The following SNRK variants were observed in gnomAD, a reference collection of about 807,000 sequenced individuals.
SNRK encodes SNF-related serine/threonine-protein kinase.
SNRK carries 3 observed loss-of-function variants against 48.2 expected under a neutral mutation model. The observed-to-expected ratio is 0.06, with a 90% CI of 0.03 to 0.16. The LOEUF is 0.16. Ranked by LOEUF, SNRK falls within the 10% of genes least tolerant of loss-of-function variation. SNRK has a pLI of 1.00. For missense variants in SNRK, 627 were observed against 976.0 expected (o/e 0.64, Z 4.76); for synonymous variants, 376 against 366.1 (o/e 1.03, Z -0.31).
chr3:43,338,143 T>C (rs1319997367), intron 4 of SNRK, among the ~76,000 whole-genome samples: 1 of 152,346 alleles, frequency 6.6e-6, no homozygotes, highest in Non-Finnish European at 1.5e-5. Context: ...AAAGTAGATA[T>C]GATTATCATT....
intron 5 of SNRK, 146 bp from the exon 6 acceptor site, chr3:43,343,198 G>GT (rs2091250595): frequency 1.0e-5 from 11 of 1,102,246 alleles, no homozygotes; most frequent in Non-Finnish European, 1.4e-5. Context: ...TACTAGTTTG[G>GT]TTTTTTTCTG....
chr3:43,305,426 T>C (rs2090929973), intron 3 of SNRK, among the ~76,000 whole-genome samples: 1 of 152,166 alleles, frequency 6.6e-6, no homozygotes, highest in African/African-American at 2.4e-5. Flanking sequence ...ACAAGCATAC[T>C]TTTTAAGAGA....
chr3:43,331,854 G>A (rs974604159), intron 3 of SNRK, among the ~76,000 whole-genome samples: 1 of 152,168 alleles, frequency 6.6e-6, no homozygotes, highest in Non-Finnish European at 1.5e-5. Context: ...GGGAAAAATA[G>A]CAGTGTGTTG....
chr3:43,296,434 G>GTATATATA (rs1429296694), intron 1 of SNRK, among the ~76,000 whole-genome samples: 1 of 29,082 alleles, frequency 3.4e-5, no homozygotes, highest in Non-Finnish European at 8.3e-5. Flanking sequence ...ATATATATAT[G>GTATATATA]TATATATATA....
intron 5 of SNRK, 128 bp from the exon 6 acceptor site, chr3:43,343,216 T>C: frequency 7.8e-7 from 1 of 1,280,922 alleles, no homozygotes; most frequent in Non-Finnish European, 1.0e-6. Flanking sequence ...CTGGTTTGCA[T>C]TTTTTGCATA....
chr3:43,296,593 C>G (rs1181159474), intron 1 of SNRK, among the ~76,000 whole-genome samples: 1 of 152,020 alleles, frequency 6.6e-6, no homozygotes, highest in Middle Eastern at 3.2e-3. Flanking sequence ...CCTCTACTTT[C>G]TCATGCCATG....
chr3:43,347,256 C>A lies in SNRK; in HGVS notation c.1080-83C>A. ...TTCTTTAAGTCTGTAGATTTTGTCC[C>A]AGTAAGTTCATTGTGATGTACTTTA... On this transcript the variant is annotated intron_variant, in intron 6 of 6. Transcript: ENST00000296088. This position sits in a 1 kb window ranked among gnomAD's most constrained non-coding sequence, Gnocchi z 5.4. 1 of 1,365,364 alleles carries A rather than the reference C, an allele frequency of 7.3e-7. No homozygotes were observed. Among genetic ancestry groups the A allele is most frequent in the Non-Finnish European group, 9.8e-7 (1 of 1,021,182 alleles). 84.6% of individuals were successfully genotyped at this position (1,365,364 alleles called of 1,614,324 possible).
chr3:43,347,335 A>G lies in SNRK; in HGVS notation c.1080-4A>G, dbSNP rs1189880948. The G allele has an allele frequency of 1.4e-5, 21 of 1,553,428 alleles. No individual in the cohort carries two copies. The highest frequency in any genetic ancestry group is 1.8e-5 in the Non-Finnish European group (21 of 1,150,548). The stretch of plus-strand genomic sequence containing the variant: ...TTTTTCCCCCCAATCTATCTGTTAC[A>G]TAGGCAGTCATGGCCAACCAAAATT... On this transcript the variant is annotated splice_region_variant and splice_polypyrimidine_tract_variant and intron_variant, in intron 6 of 6. Coordinates refer to ENST00000296088, the MANE Select transcript of SNRK (RefSeq NM_017719.5). The surrounding 1 kb of genome is among the most constrained non-coding windows in gnomAD (Gnocchi z 5.4).
intron 1 of SNRK, among the ~76,000 whole-genome samples, chr3:43,287,170 CTTTACAAT>C (rs1372148119): frequency 2.6e-5 from 4 of 151,940 alleles, no homozygotes; most frequent in African/African-American, 9.7e-5. Context: ...GGTCAAACTG[CTTTACAAT>C]AGAGTGGGGA....
At chr3:43,302,235 A>C (rs1489478696) in intron 2 of SNRK, among the ~76,000 whole-genome samples, 1 of 152,304 alleles carries the variant, frequency 6.6e-6, no homozygotes, top group Middle Eastern at 3.4e-3. Flanking sequence ...CATTTATATA[A>C]ATTCAATTAT....
At chr3:43,296,418 A>ATATATATATATATATATATATG (rs1164211741) in intron 1 of SNRK, among the ~76,000 whole-genome samples, 1 of 130,322 alleles carries the variant, frequency 7.7e-6, no homozygotes, top group South Asian at 2.2e-4. Flanking sequence ...ATACTGGCAT[A>ATATATATATATATATATATATG]TATATATATA....
chr3:43,343,574 A>G lies in SNRK; in HGVS notation c.1079+96A>G. On this transcript the variant is annotated intron_variant, in intron 6 of 6. Transcript: ENST00000296088. Reference sequence around the variant, plus strand: ...TAATGCTTCCTAACTCTTTGGGGCAAGAGAGTACAAACAGTGATGACGGCC... The same window carrying G: ...TAATGCTTCCTAACTCTTTGGGGCAGGAGAGTACAAACAGTGATGACGGCC... The G allele has an allele frequency of 4.5e-6, 6 of 1,337,636 alleles. No individual in the cohort carries two copies. In the South Asian group the frequency reaches 6.3e-5, roughly 14 times the overall value. 82.9% of individuals were successfully genotyped at this position (1,337,636 alleles called of 1,614,324 possible).
intron 3 of SNRK, among the ~76,000 whole-genome samples, chr3:43,326,374 G>T (rs1358306188): frequency 2.0e-5 from 3 of 151,920 alleles, no homozygotes. Flanking sequence ...CACAATATTT[G>T]CAGAACTCTT....
chr3:43,345,595 C>T (rs1412256445), intron 6 of SNRK, among the ~76,000 whole-genome samples: 1 of 152,154 alleles, frequency 6.6e-6, no homozygotes, highest in Non-Finnish European at 1.5e-5. Context: ...GGGATTTGGC[C>T]TGCAGGTTCT....
intron 4 of SNRK, among the ~76,000 whole-genome samples, chr3:43,334,498 A>T (rs1286307405): frequency 6.6e-6 from 1 of 152,022 alleles, no homozygotes; most frequent in Non-Finnish European, 1.5e-5. Context: ...TTAGGTTTTT[A>T]AAATTTTTTC....
intron 5 of SNRK, among the ~76,000 whole-genome samples, chr3:43,341,478 G>A (rs1438768122): frequency 6.6e-6 from 1 of 152,128 alleles, no homozygotes; most frequent in Non-Finnish European, 1.5e-5. Flanking sequence ...TAAACAGTTT[G>A]GAATCAAAGA....
At chr3:43,296,871 C>G (rs977724261) in intron 1 of SNRK, among the ~76,000 whole-genome samples, 15 of 152,218 alleles carry the variant, frequency 9.9e-5, no homozygotes, top group African/African-American at 3.4e-4. Flanking sequence ...CACTTCCTTC[C>G]TCTTCTCCAG....
intron 3 of SNRK, among the ~76,000 whole-genome samples, chr3:43,305,237 T>C (rs1010979981): frequency 6.6e-6 from 1 of 152,186 alleles, no homozygotes; most frequent in African/African-American, 2.4e-5. Context: ...ACACATCTGA[T>C]AACCTAGCAG....
chr3:43,340,030 G>A (rs2091223619), intron 4 of SNRK, among the ~76,000 whole-genome samples: 1 of 151,480 alleles, frequency 6.6e-6, no homozygotes, highest in Admixed American at 6.6e-5. Context: ...AACAGATGTT[G>A]ATACCTATAG....
Sources: gnomAD v4.1 joint callset for allele counts (sites outside exome capture counted in the v4.1 genomes callset) on GRCh38, gnomAD v4.1.1 for gene constraint, Gnocchi (gnomAD v3.1) non-coding constraint, MANE v1.5 for transcripts, NCBI Gene and HGNC (gene_info 2026-07-23, HGNC 2026-07-21) for gene names.